DNMBP: variants seen among roughly 807,000 people sequenced by gnomAD.
The protein encoded by DNMBP is dynamin binding protein.
DNMBP carries 87 observed loss-of-function variants against 150.0 expected under a neutral mutation model. The observed-to-expected ratio is 0.58, with a 90% CI of 0.49 to 0.69. DNMBP has a LOEUF of 0.69. DNMBP is among the 30% of genes least tolerant of loss of function. The pLI is 0.00. For missense variants in DNMBP, 1,774 were observed against 1,949.0 expected, an observed-to-expected ratio of 0.91 and a Z score of 1.69; for synonymous variants, 711 against 750.4, an observed-to-expected ratio of 0.95 and a Z score of 0.86.
intron 4 of DNMBP, among the ~76,000 whole-genome samples, chr10:99,909,840 G>C (rs1216733400): frequency 2.0e-5 from 3 of 152,098 alleles, no homozygotes; most frequent in Non-Finnish European, 4.4e-5. Context: ...TCAAGTATAA[G>C]AATCTCTAAG....
At position 99,898,750 on chromosome 10, in the gene DNMBP, T is replaced by C; in HGVS notation, c.2713A>G (p.Asn905Asp). 6.2e-7 allele frequency: 1 copy of C among 1,613,930 alleles called. No homozygotes were observed. The highest frequency in any genetic ancestry group is 1.3e-5 in the African/African-American group (1 of 75,062). ...AGCAGCAATGGAACTTACCATTCGT[T>C]GTATAGGCTCCTGCAAGGCAGTGGG... ...DSLADLKSLY[N>D]EWGCTNYINL... The change falls in exon 8 of 17, where the codon AAC becomes GAC. Residue 905 changes from asparagine to aspartate, a missense_variant. This residue lies in a region of DNMBP where 1,430 missense variants were observed against 1,492.5 expected (regional missense o/e 0.96). Transcript: ENST00000324109.
At chr10:99,959,425 G>A (rs1353434187) in intron 3 of DNMBP, among the ~76,000 whole-genome samples, 1 of 152,098 alleles carries the variant, frequency 6.6e-6, no homozygotes, top group Non-Finnish European at 1.5e-5. Context: ...AGTCAAGGCT[G>A]CAGTGAGCCA....
At chr10:99,943,285 C>CA (rs928728410) in intron 4 of DNMBP, among the ~76,000 whole-genome samples, 36 of 139,208 alleles carry the variant, frequency 2.6e-4, no homozygotes, top group African/African-American at 5.0e-4. Flanking sequence ...GACTCTGTCT[C>CA]AAAAAAAACC....
chr10:99,915,404 T>TAAAA (rs11464815), intron 4 of DNMBP, among the ~76,000 whole-genome samples: 1 of 144,616 alleles, frequency 6.9e-6, no homozygotes. Flanking sequence ...ACAAAATAAT[T>TAAAA]AAAAAAAAAA....
intron 12 of DNMBP, among the ~76,000 whole-genome samples, chr10:99,887,414 C>T (rs2039486406): frequency 6.6e-6 from 1 of 152,038 alleles, no homozygotes; most frequent in Non-Finnish European, 1.5e-5. Flanking sequence ...GTAGTCCCAG[C>T]TCCTTGGGAG....
chr10:99,933,515 AG>A (rs10709000), intron 4 of DNMBP, among the ~76,000 whole-genome samples: 47,877 of 152,014 alleles, frequency 0.31, 7,607 homozygotes, highest in Non-Finnish European at 0.33. Flanking sequence ...ATATGGGTTC[AG>A]GGGGATCTGG....
intron 4 of DNMBP, chr10:99,914,225 T>C (rs1022208120): frequency 3.9e-6 from 3 of 775,246 alleles, no homozygotes; most frequent in African/African-American, 1.8e-5. Flanking sequence ...GATCAACACC[T>C]TCCTTTCTAT....
At chr10:99,967,359 C>G (rs2040629559) in intron 3 of DNMBP, among the ~76,000 whole-genome samples, 1 of 152,118 alleles carries the variant, frequency 6.6e-6, no homozygotes, top group Admixed American at 6.5e-5. Flanking sequence ...AACCCCATCT[C>G]TACTAAAAAT....
intron 15 of DNMBP, among the ~76,000 whole-genome samples, chr10:99,882,456 T>C (rs1289640965): frequency 6.6e-6 from 1 of 152,162 alleles, no homozygotes; most frequent in Non-Finnish European, 1.5e-5. Flanking sequence ...TGGTCACGCA[T>C]GCCTCTGGTC....
chr10:99,931,853 G>T (rs80137732), intron 4 of DNMBP, among the ~76,000 whole-genome samples: 5 of 152,344 alleles, frequency 3.3e-5, no homozygotes, highest in Non-Finnish European at 5.9e-5. Context: ...CCAAAGCAAA[G>T]TCCCTGGCAT....
At chr10:99,890,002 C>G (rs1037131234) in intron 11 of DNMBP, among the ~76,000 whole-genome samples, 2 of 152,178 alleles carry the variant, frequency 1.3e-5, no homozygotes, top group African/African-American at 2.4e-5. Flanking sequence ...GTTTCCCATT[C>G]CTAAGCAAAG....
In DNMBP at chr10:99,879,848, C is replaced by G. The variant is rs1191069148; in HGVS notation, c.4511G>C (p.Ser1504Thr). The G allele has an allele frequency of 1.2e-6, 2 of 1,614,248 alleles. No homozygotes were observed. The change falls in exon 16 of 17, where the codon AGT becomes ACT. Residue 1504 changes from serine to threonine, a missense_variant. Ser to Thr is a moderately conservative substitution (Grantham distance 58). This residue lies in a region of DNMBP where 1,430 missense variants were observed against 1,492.5 expected (regional missense o/e 0.96). Coordinates refer to ENST00000324109, the MANE Select transcript of DNMBP (RefSeq NM_015221.4). ...TGCCTCACTGCCATCTGGCTCTGTA[C>G]TTCTGTCTTCCGGAGCCTGGGCTGT... The part of the protein sequence containing the change: ...ARTAQAPEDR[S>T]TEPDGSEAEG...
chr10:99,960,572 G>A (rs1454533083), intron 3 of DNMBP, among the ~76,000 whole-genome samples: 5 of 152,172 alleles, frequency 3.3e-5, no homozygotes, highest in African/African-American at 7.2e-5. Flanking sequence ...TCGGGAGGCC[G>A]AGGTGCGCAG....
At chr10:99,914,735 AGAACG>A (rs1326177287) in intron 4 of DNMBP, among the ~76,000 whole-genome samples, 1 of 152,160 alleles carries the variant, frequency 6.6e-6, no homozygotes, top group African/African-American at 2.4e-5. Context: ...AAGAAAATGG[AGAACG>A]GGGAAAAGAG....
At chr10:99,915,986 AC>A (rs1037600178) in intron 4 of DNMBP, among the ~76,000 whole-genome samples, 32 of 152,022 alleles carry the variant, frequency 2.1e-4, no homozygotes, top group Admixed American at 6.6e-5. Context: ...CTGGAATTCC[AC>A]TTTTGGGTTT....
intron 4 of DNMBP, among the ~76,000 whole-genome samples, chr10:99,950,042 T>A (rs1041728676): frequency 2.0e-5 from 3 of 152,184 alleles, no homozygotes; most frequent in African/African-American, 7.2e-5. Flanking sequence ...CCAAATCCCA[T>A]CTTGAATTCC....
At chr10:99,994,242 C>T (rs1009453816) in intron 1 of DNMBP, among the ~76,000 whole-genome samples, 69 of 152,280 alleles carry the variant, frequency 4.5e-4, no homozygotes, top group African/African-American at 1.6e-3. Context: ...CTTTAGTTTC[C>T]TCATCTGTAA....
chr10:99,999,013 G>A (rs947272755), intron 1 of DNMBP, among the ~76,000 whole-genome samples: 11 of 152,156 alleles, frequency 7.2e-5, no homozygotes, highest in Non-Finnish European at 1.3e-4. Flanking sequence ...TTCTCCTTTC[G>A]GAGGTGCCAC....
intron 4 of DNMBP, among the ~76,000 whole-genome samples, 157 bp downstream of exon 4, chr10:99,955,057 A>AG (rs1392407192): frequency 1.3e-5 from 2 of 151,842 alleles, no homozygotes; most frequent in Non-Finnish European, 2.9e-5. Context: ...TCTCAAAAAA[A>AG]AGGAAAAAAA....
Sources: allele counts gnomAD v4.1 joint callset (sites outside exome capture counted in the v4.1 genomes callset), GRCh38; gene constraint gnomAD v4.1.1; regional missense constraint gnomAD v4.1.1; transcripts MANE v1.5; gene names NCBI Gene and HGNC (gene_info 2026-07-23, HGNC 2026-07-21).